Variants in CCDC34 observed in about 807,000 individuals in gnomAD.
The protein encoded by CCDC34 is coiled-coil domain-containing protein 34.
Under a neutral mutation model 44.1 loss-of-function variants are expected in CCDC34, and 40 were observed. The observed-to-expected ratio is 0.91, with a 90% CI of 0.70 to 1.18. CCDC34 has a LOEUF of 1.18. Ranked by LOEUF, CCDC34 falls within the 50% of genes most tolerant of loss-of-function variation. The pLI is 0.00. For missense variants in CCDC34, 466 were observed against 452.3 expected, an observed-to-expected ratio of 1.03 and a Z score of -0.28; for synonymous variants, 159 against 158.2, an observed-to-expected ratio of 1.01 and a Z score of -0.04.
In CCDC34 at chr11:27,340,681, A is replaced by G; in HGVS notation, c.907+15T>C. 6.2e-7 allele frequency: 1 copy of G among 1,600,450 alleles called. No homozygotes were observed. The highest frequency in any genetic ancestry group is 1.1e-5 in the South Asian group (1 of 87,286). On this transcript the variant is annotated intron_variant, in intron 5 of 5. Coordinates refer to ENST00000328697, the MANE Select transcript of CCDC34 (RefSeq NM_030771.2). ...CAAACCATATTTATGTAAGCCACAC[A>G]ACATAAAAACCAACCTGTAAGTTTT...
chr11:27,349,678 A>C, intron 3 of CCDC34: 1 of 982,786 alleles, frequency 1.0e-6, no homozygotes. Flanking sequence ...ATATATTAAA[A>C]TTAAAAGGAA....
intron 3 of CCDC34, among the ~76,000 whole-genome samples, chr11:27,344,346 TATGTTATAAACACATGCATGCTGC>T (rs750700062): frequency 0.012 from 1,899 of 152,204 alleles, 16 homozygotes; most frequent in African/African-American, 0.016. Context: ...AACATATGTA[TATGTTATAAACACATGCATGCTGC>T]ATGTTATAAA....
At chr11:27,358,573 C>A (rs1458716876) in intron 1 of CCDC34, among the ~76,000 whole-genome samples, 2 of 152,152 alleles carry the variant, frequency 1.3e-5, no homozygotes, top group South Asian at 4.1e-4. Flanking sequence ...AATTTGCATT[C>A]TAGTGGGAAA....
At chr11:27,354,077 T>C (rs6484294) in intron 2 of CCDC34, among the ~76,000 whole-genome samples, 147,190 of 152,244 alleles carry the variant, frequency 0.97, 71,353 homozygotes, top group East Asian at 1. Context: ...GAAAAGGCAG[T>C]GAAAGAATGT....
chr11:27,341,672 G>A (rs1433027577), intron 3 of CCDC34, 122 bp from the exon 4 acceptor site: 2 of 521,052 alleles, frequency 3.8e-6, no homozygotes, highest in Non-Finnish European at 6.6e-6. Context: ...ATGATATCAT[G>A]GCAGTTGGCA....
intron 3 of CCDC34, among the ~76,000 whole-genome samples, chr11:27,343,724 T>C (rs921516046): frequency 1.3e-5 from 2 of 152,334 alleles, no homozygotes; most frequent in African/African-American, 4.8e-5. Context: ...ACTATGCCTG[T>C]TACCATTCTA....
intron 3 of CCDC34, among the ~76,000 whole-genome samples, chr11:27,344,330 G>A (rs1184899350): frequency 1.3e-5 from 2 of 151,932 alleles, no homozygotes; most frequent in Non-Finnish European, 2.9e-5. Context: ...ACATATATAT[G>A]TTATAAACAT....
At chr11:27,356,756 A>G (rs1048274443) in intron 2 of CCDC34, among the ~76,000 whole-genome samples, 1 of 151,480 alleles carries the variant, frequency 6.6e-6, no homozygotes, top group Non-Finnish European at 1.5e-5. Context: ...TCACGCATGG[A>G]AATGTCCATA....
intron 2 of CCDC34, among the ~76,000 whole-genome samples, chr11:27,351,417 C>T (rs1466276290): frequency 6.6e-6 from 1 of 152,144 alleles, no homozygotes; most frequent in African/African-American, 2.4e-5. Context: ...CAACTGGTCA[C>T]AGGAAATCTG....
intron 2 of CCDC34, among the ~76,000 whole-genome samples, chr11:27,354,879 A>C (rs1862553079): frequency 6.6e-6 from 1 of 152,156 alleles, no homozygotes. Context: ...AACAAAACCC[A>C]GAATTTACAC....
rs182057516 is a variant in CCDC34, at chr11:27,343,423, A to G, written c.607-1873T>C. ...TCTCAAAAAAAAAAAAAAAAATCAA[A>G]GCTCAAGTAATTCCCCAAGTTGTAT... is the stretch of plus-strand genomic sequence containing the variant. On this transcript the variant is annotated intron_variant, in intron 3 of 5. Transcript: ENST00000328697. Among the ~76,000 whole-genome samples, 317 of 152,142 alleles carry G rather than the reference A, an allele frequency of 2.1e-3. 2 individuals are homozygous for G. The highest frequency in any genetic ancestry group is 2.8e-3 in the Non-Finnish European group (191 of 67,962).
chr11:27,349,676 A>G (rs1272358828), intron 3 of CCDC34: 1 of 982,694 alleles, frequency 1.0e-6, no homozygotes, highest in Non-Finnish European at 1.2e-6. Flanking sequence ...GAATATATTA[A>G]AATTAAAAGG....
chr11:27,352,707 C>G (rs1172538457), intron 2 of CCDC34, among the ~76,000 whole-genome samples: 1 of 151,906 alleles, frequency 6.6e-6, no homozygotes, highest in Non-Finnish European at 1.5e-5. Flanking sequence ...TTTACCTAAA[C>G]TAAAAAATCA....
At position 27,338,578 on chromosome 11, in the gene CCDC34, A is replaced by G. The variant is rs1862312309; in HGVS notation, c.*243T>C. On this transcript the variant is annotated 3_prime_UTR_variant, in exon 6 of 6. Transcript: ENST00000328697. ...TTTAATACAAGCTAAATACAAACAC[A>G]ATTCTTACATATTCAGCCACTTATT... The G allele has an allele frequency of 2.2e-6, 1 of 453,242 alleles. No individual in the cohort carries two copies. The highest frequency in any genetic ancestry group is 2.1e-5 in the African/African-American group (1 of 48,634). The allele number at this position is 453,242 out of a possible 1,614,324, so 28.1% of individuals were successfully genotyped here.
intron 1 of CCDC34, among the ~76,000 whole-genome samples, chr11:27,359,065 C>T (rs981226900): frequency 6.7e-6 from 1 of 149,554 alleles, no homozygotes; most frequent in African/African-American, 2.5e-5. Context: ...AACCTTACAA[C>T]CACCATCTGG....
chr11:27,350,414 C>CT lies in CCDC34; in HGVS notation c.523dup (p.Arg175LysfsTer8). ...TTTTTCACGTTCTTCCATTTCTTTT[C>CT]TTTTTTCTAGTTGTTGATTTAATTC... is the stretch of plus-strand genomic sequence containing the variant. On this transcript the variant is annotated frameshift_variant, in exon 3 of 6. Coordinates refer to ENST00000328697, the MANE Select transcript of CCDC34 (RefSeq NM_030771.2). LOFTEE classifies it high-confidence loss of function. 3 of 1,607,514 alleles carry CT rather than the reference C, an allele frequency of 1.9e-6. No homozygotes were observed. Among genetic ancestry groups the CT allele is most frequent in the South Asian group, 2.2e-5 (2 of 89,932 alleles).
chr11:27,344,093 G>A (rs1862400570), intron 3 of CCDC34, among the ~76,000 whole-genome samples: 1 of 151,954 alleles, frequency 6.6e-6, no homozygotes, highest in African/African-American at 2.4e-5. Flanking sequence ...AGCTTCACTA[G>A]TTGATTCCAT....
intron 3 of CCDC34, among the ~76,000 whole-genome samples, chr11:27,343,318 C>A (rs1444412623): frequency 9.9e-5 from 15 of 151,342 alleles, no homozygotes; most frequent in Admixed American, 9.9e-4. Flanking sequence ...AGGAGAATTG[C>A]TTGAACCCAG....
chr11:27,349,412 C>T (rs1468511432), intron 3 of CCDC34: 2 of 833,642 alleles, frequency 2.4e-6, no homozygotes, highest in African/African-American at 3.7e-5. Flanking sequence ...AAGGTTATAT[C>T]ATCTTCAATT....
Sources: gnomAD v4.1 joint callset for allele counts (sites outside exome capture counted in the v4.1 genomes callset) on GRCh38, gnomAD v4.1.1 for gene constraint, MANE v1.5 for transcripts, NCBI Gene and HGNC (gene_info 2026-07-23, HGNC 2026-07-21) for gene names.